The following FRS2 variants were observed in gnomAD, a reference collection of about 807,000 sequenced individuals.
The protein encoded by FRS2 is fibroblast growth factor receptor substrate 2, also known as FGFR signalling adaptor.
In FRS2, 8 loss-of-function variants were observed where a neutral mutation model predicts 43.9. That is an observed-to-expected ratio of 0.18 (90% confidence interval 0.11 to 0.33). The LOEUF is 0.33. FRS2 is among the 10% of genes least tolerant of loss of function. The pLI is 1.00. For missense variants in FRS2, 534 were observed against 627.6 expected (o/e 0.85, Z 1.59); for synonymous variants, 219 against 220.3 (o/e 0.99, Z 0.05).
intron 3 of FRS2, among the ~76,000 whole-genome samples, chr12:69,546,544 C>T (rs910249167): frequency 6.6e-6 from 1 of 152,132 alleles, no homozygotes; most frequent in Admixed American, 6.5e-5. Context: ...AAGCATGTGA[C>T]ACCATGCCCG....
intron 3 of FRS2, among the ~76,000 whole-genome samples, chr12:69,536,420 G>T (rs1877318932): frequency 6.6e-6 from 1 of 151,834 alleles, no homozygotes; most frequent in Non-Finnish European, 1.5e-5. Flanking sequence ...CCCGCACCCG[G>T]CCAGTATTTT....
At chr12:69,487,620 T>A (rs543207372) in intron 1 of FRS2, among the ~76,000 whole-genome samples, 3 of 152,378 alleles carry the variant, frequency 2.0e-5, no homozygotes, top group Admixed American at 6.5e-5. Flanking sequence ...AACACATCTA[T>A]TCTGCAGCCC....
chr12:69,570,573 T>G, intron 6 of FRS2, 56 bp downstream of exon 6: 1 of 1,019,584 alleles, frequency 9.8e-7, no homozygotes, highest in Non-Finnish European at 1.5e-6. Flanking sequence ...TTTTCAGCTA[T>G]TCTGTATACA....
intron 1 of FRS2, among the ~76,000 whole-genome samples, chr12:69,501,278 A>C (rs951294435): frequency 6.6e-6 from 1 of 152,166 alleles, no homozygotes; most frequent in South Asian, 2.1e-4. Flanking sequence ...TGTAATTGCC[A>C]GGACACAAAG....
intron 1 of FRS2, among the ~76,000 whole-genome samples, chr12:69,493,656 G>A (rs1402473047): frequency 6.6e-6 from 1 of 152,176 alleles, no homozygotes; most frequent in East Asian, 1.9e-4. Flanking sequence ...GGGAGGCGGG[G>A]GTTGTGATAA....
At chr12:69,557,595 TG>T (rs1565772871) in intron 3 of FRS2, among the ~76,000 whole-genome samples, 30 of 12,878 alleles carry the variant, frequency 2.3e-3, no homozygotes, top group Middle Eastern at 0.05. Flanking sequence ...GAAGGTTGAT[TG>T]TGTGTGTGTG....
At chr12:69,519,897 C>T (rs554463013) in intron 1 of FRS2, among the ~76,000 whole-genome samples, 17 of 152,186 alleles carry the variant, frequency 1.1e-4, no homozygotes, top group Non-Finnish European at 1.9e-4. Flanking sequence ...TATGACAGAA[C>T]GATTTATATT....
intron 3 of FRS2, among the ~76,000 whole-genome samples, chr12:69,534,028 A>G (rs536124320): frequency 6.6e-6 from 1 of 152,308 alleles, no homozygotes; most frequent in East Asian, 1.9e-4. Flanking sequence ...AGACTGAGAG[A>G]GATTTCACAT....
chr12:69,506,644 CAAG>C (rs1565732854), intron 1 of FRS2, among the ~76,000 whole-genome samples: 1 of 152,072 alleles, frequency 6.6e-6, no homozygotes, highest in Non-Finnish European at 1.5e-5. Context: ...CTTCTTCTTT[CAAG>C]CCCTCTATTA....
At chr12:69,547,497 T>C (rs1277613070) in intron 3 of FRS2, among the ~76,000 whole-genome samples, 1 of 152,130 alleles carries the variant, frequency 6.6e-6, no homozygotes, top group Non-Finnish European at 1.5e-5. Context: ...GGATGATGGA[T>C]AGTTAAGATG....
At chr12:69,498,235 C>A (rs969061842) in intron 1 of FRS2, among the ~76,000 whole-genome samples, 1 of 152,086 alleles carries the variant, frequency 6.6e-6, no homozygotes, top group Non-Finnish European at 1.5e-5. Context: ...ATATGCAAAA[C>A]AATAATTTTA....
At chr12:69,523,158 G>A (rs776429) in intron 1 of FRS2, among the ~76,000 whole-genome samples, 56,505 of 151,994 alleles carry the variant, frequency 0.37, 10,964 homozygotes, top group South Asian at 0.58. Flanking sequence ...TCTAAGGTCT[G>A]TCTAACACTG....
intron 1 of FRS2, among the ~76,000 whole-genome samples, chr12:69,496,162 C>A (rs903527603): frequency 2.0e-5 from 3 of 151,984 alleles, no homozygotes; most frequent in Non-Finnish European, 4.4e-5. Flanking sequence ...TCTGGCCAGG[C>A]GTGGGGGCTC....
At chr12:69,517,773 T>C (rs1875203223) in intron 1 of FRS2, among the ~76,000 whole-genome samples, 1 of 152,208 alleles carries the variant, frequency 6.6e-6, no homozygotes, top group Non-Finnish European at 1.5e-5. Flanking sequence ...ATAAATTTGT[T>C]GGAATGTGTA....
chr12:69,569,159 C>G, intron 5 of FRS2, 63 bp downstream of exon 5: 1 of 871,100 alleles, frequency 1.1e-6, no homozygotes, highest in Non-Finnish European at 1.9e-6. Context: ...TTTTATTTCA[C>G]TTAACATATC....
At chr12:69,548,052 G>A (rs1878569495) in intron 3 of FRS2, among the ~76,000 whole-genome samples, 1 of 151,710 alleles carries the variant, frequency 6.6e-6, no homozygotes, top group South Asian at 2.1e-4. Context: ...GGGTTCTTGC[G>A]ATGTTGCCCA....
chr12:69,566,471 T>TA (rs1362365577), intron 4 of FRS2, among the ~76,000 whole-genome samples: 1 of 152,084 alleles, frequency 6.6e-6, no homozygotes, highest in Non-Finnish European at 1.5e-5. Flanking sequence ...TACTATTTTT[T>TA]AAAAAATTAA....
chr12:69,513,212 ATTC>A (rs1171465970), intron 1 of FRS2, among the ~76,000 whole-genome samples: 2 of 151,592 alleles, frequency 1.3e-5, no homozygotes, highest in African/African-American at 4.8e-5. Flanking sequence ...ACCTTTCCAA[ATTC>A]TTCTTTCTTT....
intron 1 of FRS2, among the ~76,000 whole-genome samples, chr12:69,506,461 A>G (rs1261827204): frequency 1.3e-5 from 2 of 152,162 alleles, no homozygotes; most frequent in Non-Finnish European, 2.9e-5. Context: ...TTTGGGAAGT[A>G]CTGATATGTA....
Sources: gnomAD v4.1 joint callset for allele counts (sites outside exome capture counted in the v4.1 genomes callset) on GRCh38, gnomAD v4.1.1 for gene constraint, MANE v1.5 for transcripts, NCBI Gene and HGNC (gene_info 2026-07-23, HGNC 2026-07-21) for gene names.